NEBL: variants seen among roughly 807,000 people sequenced by gnomAD.
NEBL encodes LIM and SH3 protein 2.
NEBL carries 122 observed loss-of-function variants against 140.2 expected under a neutral mutation model. The ratio of observed to expected loss-of-function variants is 0.87; its 90% CI spans 0.75 to 1.01. The LOEUF is 1.01. NEBL is among the 50% of genes least tolerant of loss of function. The probability of loss-of-function intolerance (pLI) is 0.00; values close to 1 mark genes in which losing one functional copy is unlikely to be tolerated. For missense variants in NEBL, 1,365 were observed against 1,231.3 expected, an observed-to-expected ratio of 1.11 and a Z score of -1.62; for synonymous variants, 436 against 398.9, an observed-to-expected ratio of 1.09 and a Z score of -1.11.
chr10:21,273,735 C>T (rs909672956), intron 1 of NEBL, among the ~76,000 whole-genome samples: 1 of 152,218 alleles, frequency 6.6e-6, no homozygotes, highest in African/African-American at 2.4e-5. Flanking sequence ...CAGGGAGTTG[C>T]TAAGTGCTCT....
rs115256029 is a variant in NEBL at position 20,904,973 on chromosome 10, G to A, written c.357+56699C>T. On this transcript the variant is annotated intron_variant, in intron 4 of 6. Transcript: ENST00000417816. ...GATTTATGAATTTTATGAAAACACA[G>A]CAATGTAAATAGTTTCCTAGTAATT... Among the ~76,000 whole-genome samples the A allele has an allele frequency of 1.9e-3, 283 of 152,264 alleles. 1 individual carries two copies. Among genetic ancestry groups the A allele is most frequent in the African/African-American group, 6.7e-3 (277 of 41,558 alleles).
At chr10:20,856,540 C>T (rs1252126083) in intron 9 of NEBL, among the ~76,000 whole-genome samples, 1 of 152,022 alleles carries the variant, frequency 6.6e-6, no homozygotes, top group East Asian at 1.9e-4. Flanking sequence ...AAGCAGGGGG[C>T]TCAGGGAATA....
chr10:21,120,415 TA>T lies in NEBL; in HGVS notation c.164+51967del, dbSNP rs1249856392. ...ATACATATATATATATATATATATA[TA>T]TATATATAAATTTGATCACTGGTTT... On this transcript the variant is annotated intron_variant, in intron 2 of 6. Coordinates refer to the NEBL transcript ENST00000417816. Among the ~76,000 whole-genome samples, 295 of 128,950 alleles carry T rather than the reference TA, an allele frequency of 2.3e-3. 21 individuals are homozygous for T. Among genetic ancestry groups the T allele is most frequent in the Middle Eastern group, 0.012 (3 of 258 alleles). The allele number at this position is 128,950 out of a possible 152,430, so 84.6% of individuals were successfully genotyped here.
At chr10:20,880,273 C>G (rs545111982) in intron 5 of NEBL, among the ~76,000 whole-genome samples, 1 of 152,234 alleles carries the variant, frequency 6.6e-6, no homozygotes, top group South Asian at 2.1e-4. Context: ...AGGCAGAGAA[C>G]TACTTGAACC....
At chr10:21,067,606 C>T (rs537810371) in intron 2 of NEBL, among the ~76,000 whole-genome samples, 11 of 152,168 alleles carry the variant, frequency 7.2e-5, no homozygotes, top group Middle Eastern at 3.4e-3. Context: ...CTCCAAAAGG[C>T]AGAAAACAGA....
At chr10:21,142,451 T>C (rs1162533913) in intron 2 of NEBL, among the ~76,000 whole-genome samples, 1 of 152,054 alleles carries the variant, frequency 6.6e-6, no homozygotes, top group Non-Finnish European at 1.5e-5. Flanking sequence ...AGAGAATACT[T>C]GGGCAAACAA....
At chr10:21,162,828 C>A (rs927499008) in intron 2 of NEBL, among the ~76,000 whole-genome samples, 3 of 152,178 alleles carry the variant, frequency 2.0e-5, no homozygotes, top group African/African-American at 7.2e-5. Context: ...GTAGGCATAG[C>A]CTTACAGATG....
intron 3 of NEBL, among the ~76,000 whole-genome samples, chr10:21,240,680 C>T (rs191079866): frequency 6.4e-4 from 98 of 152,218 alleles, no homozygotes; most frequent in African/African-American, 2.2e-3. Flanking sequence ...AATATCGTTA[C>T]AAGTTATTCT....
At chr10:21,060,829 T>C (rs776662927) in intron 2 of NEBL, among the ~76,000 whole-genome samples, 37 of 151,928 alleles carry the variant, frequency 2.4e-4, no homozygotes, top group Non-Finnish European at 4.0e-4. Flanking sequence ...CAATCTTCAG[T>C]TCTCATCCTA....
intron 3 of NEBL, among the ~76,000 whole-genome samples, chr10:21,018,078 T>C (rs1777956818): frequency 6.6e-6 from 1 of 152,120 alleles, no homozygotes; most frequent in African/African-American, 2.4e-5. Flanking sequence ...CACCTCGGCC[T>C]CCCAAAGTGC....
intron 2 of NEBL, chr10:21,126,034 G>A (rs201238723): frequency 1.8e-5 from 29 of 1,614,062 alleles, no homozygotes; most frequent in African/African-American, 4.0e-5. Flanking sequence ...CCTGGCAAGC[G>A]TTGGCCAGCT....
At chr10:20,833,940 CA>C (rs1013283702) in intron 14 of NEBL, among the ~76,000 whole-genome samples, 3 of 152,078 alleles carry the variant, frequency 2.0e-5, no homozygotes, top group African/African-American at 7.2e-5. Context: ...TGACAGGAAT[CA>C]AAGTGACTTC....
intron 2 of NEBL, among the ~76,000 whole-genome samples, chr10:21,102,713 C>G (rs941770332): frequency 1.3e-5 from 2 of 152,106 alleles, no homozygotes; most frequent in African/African-American, 4.8e-5. Context: ...TAACCATGTA[C>G]CTGTTGGAAT....
chr10:20,793,470 T>TC, intron 26 of NEBL: 2 of 325,494 alleles, frequency 6.1e-6, no homozygotes, highest in Non-Finnish European at 8.8e-6. Context: ...GACGTTCAGG[T>TC]CCCCCACACC....
At chr10:21,210,860 T>C (rs1179663025) in intron 3 of NEBL, among the ~76,000 whole-genome samples, 4 of 152,254 alleles carry the variant, frequency 2.6e-5, no homozygotes, top group Non-Finnish European at 4.4e-5. Flanking sequence ...ACGCTATGTA[T>C]GAGCTACTGT....
chr10:21,066,945 G>A (rs1377689558), intron 2 of NEBL, among the ~76,000 whole-genome samples: 1 of 146,152 alleles, frequency 6.8e-6, no homozygotes, highest in East Asian at 2.0e-4. Context: ...GATGCTTAAA[G>A]ACCTTTGTTT....
At chr10:20,860,818 T>G (rs997464416) in intron 7 of NEBL, among the ~76,000 whole-genome samples, 5 of 152,132 alleles carry the variant, frequency 3.3e-5, no homozygotes, top group African/African-American at 1.2e-4. Flanking sequence ...ATGACTCTCA[T>G]CAAATATTTT....
rs141713442 is a variant in NEBL at position 21,242,494 on chromosome 10, A to G, written n.348+5427T>C. Among the ~76,000 whole-genome samples the G allele has an allele frequency of 7.9e-4, 120 of 152,296 alleles. 2 individuals are homozygous for G. The East Asian group carries it at 0.021, about 26-fold the overall frequency. On this transcript the variant is annotated intron_variant and non_coding_transcript_variant, in intron 3 of 8. Coordinates refer to the NEBL transcript ENST00000675702. ...GGTGGTGGGTGAGGACTGAAAAACT[A>G]CCTATCAGGTACTATGCTTATTACC...
At chr10:21,185,295 C>A (rs1224541573) in intron 3 of NEBL, among the ~76,000 whole-genome samples, 1 of 152,084 alleles carries the variant, frequency 6.6e-6, no homozygotes, top group Non-Finnish European at 1.5e-5. Flanking sequence ...GGTCACCGTT[C>A]CCAGAGACTG....
Sources: gnomAD v4.1 joint callset for allele counts (sites outside exome capture counted in the v4.1 genomes callset) on GRCh38, gnomAD v4.1.1 for gene constraint, MANE v1.5 for transcripts, NCBI Gene and HGNC (gene_info 2026-07-23, HGNC 2026-07-21) for gene names.